TYR: variants seen among roughly 807,000 people sequenced by gnomAD.
The protein encoded by TYR is tyrosinase.
In TYR, 58 loss-of-function variants were observed where a neutral mutation model predicts 51.5. That is an observed-to-expected ratio of 1.13 (90% CI 0.91 to 1.40). The LOEUF (loss-of-function observed/expected upper bound fraction) is 1.40. Among genes scored for constraint, TYR ranks in the 40% most tolerant of loss-of-function variants. The pLI is 0.00. For missense variants in TYR, 732 were observed against 647.4 expected, an observed-to-expected ratio of 1.13 and a Z score of -1.42; for synonymous variants, 263 against 235.2, an observed-to-expected ratio of 1.12 and a Z score of -1.08.
chr11:89,242,728 G>A (rs1302658927), intron 3 of TYR, among the ~76,000 whole-genome samples: 12 of 152,026 alleles, frequency 7.9e-5, no homozygotes, highest in African/African-American at 2.9e-4. Flanking sequence ...AGTATCCCTG[G>A]GAGTTCAGAT....
intron 2 of TYR, among the ~76,000 whole-genome samples, chr11:89,196,008 C>G (rs1183806796): frequency 1.3e-5 from 2 of 152,028 alleles, no homozygotes; most frequent in East Asian, 3.9e-4. Context: ...TCAACCACTT[C>G]CTAGATGTGT....
chr11:89,260,737 G>T (rs1361729955), intron 3 of TYR, among the ~76,000 whole-genome samples: 2 of 152,146 alleles, frequency 1.3e-5, no homozygotes, highest in Non-Finnish European at 2.9e-5. Flanking sequence ...TATAAATCCA[G>T]GTTGGTGGGC....
At chr11:89,211,937 C>A (rs187496986) in intron 2 of TYR, among the ~76,000 whole-genome samples, 3 of 152,264 alleles carry the variant, frequency 2.0e-5, no homozygotes, top group Admixed American at 2.0e-4. Context: ...CTCTGGGACA[C>A]ATTTAAAGCA....
chr11:89,281,364 C>T (rs1944720127), intron 3 of TYR, among the ~76,000 whole-genome samples: 1 of 151,806 alleles, frequency 6.6e-6, no homozygotes, highest in Admixed American at 6.6e-5. Flanking sequence ...CTCTCCTCCT[C>T]CCTGTAACAG....
chr11:89,281,612 T>A (rs759745327), intron 3 of TYR, among the ~76,000 whole-genome samples: 1 of 151,788 alleles, frequency 6.6e-6, no homozygotes, highest in Admixed American at 6.6e-5. Context: ...TACCTCTGGA[T>A]GAACCCATCT....
intron 3 of TYR, among the ~76,000 whole-genome samples, chr11:89,258,123 C>A (rs1473827608): frequency 3.3e-5 from 5 of 151,948 alleles, no homozygotes; most frequent in Non-Finnish European, 7.4e-5. Flanking sequence ...GGCATTATGA[C>A]AATGGAGTGA....
chr11:89,232,384 A>T (rs1316098473), intron 3 of TYR, among the ~76,000 whole-genome samples: 1 of 143,678 alleles, frequency 7.0e-6, no homozygotes, highest in Non-Finnish European at 1.5e-5. Context: ...GAACAAAATG[A>T]TGTCCTTCGC....
chr11:89,188,475 T>C (rs1444425446), intron 1 of TYR, among the ~76,000 whole-genome samples: 1 of 152,034 alleles, frequency 6.6e-6, no homozygotes, highest in Non-Finnish European at 1.5e-5. Context: ...GTACAGTAAA[T>C]GTTTAATAAC....
chr11:89,181,252 G>T (rs1035409816), intron 1 of TYR, among the ~76,000 whole-genome samples: 1 of 152,194 alleles, frequency 6.6e-6, no homozygotes, highest in African/African-American at 2.4e-5. Context: ...TTGACCTCAA[G>T]TGATCTGTCC....
chr11:89,197,523 C>T (rs188926789), intron 2 of TYR, among the ~76,000 whole-genome samples: 2 of 152,188 alleles, frequency 1.3e-5, no homozygotes, highest in Admixed American at 1.3e-4. Flanking sequence ...TGAAAACATG[C>T]CATTGACAAG....
intron 3 of TYR, among the ~76,000 whole-genome samples, chr11:89,236,046 T>C (rs1462855058): frequency 6.6e-6 from 1 of 152,160 alleles, no homozygotes; most frequent in Non-Finnish European, 1.5e-5. Context: ...AAGGTTTTAT[T>C]GGAACACAGC....
intron 3 of TYR, among the ~76,000 whole-genome samples, chr11:89,282,899 G>A (rs149347540): frequency 2.0e-5 from 3 of 151,946 alleles, no homozygotes; most frequent in Admixed American, 6.6e-5. Context: ...AAGAAGAGAA[G>A]AGAGGAGCTG....
intron 2 of TYR, among the ~76,000 whole-genome samples, chr11:89,194,754 T>C (rs1417569972): frequency 1.3e-5 from 2 of 152,158 alleles, no homozygotes; most frequent in Non-Finnish European, 2.9e-5. Context: ...ATTGATGTGC[T>C]TAATTATCTT....
chr11:89,235,142 G>A (rs1944094631), intron 3 of TYR, among the ~76,000 whole-genome samples: 1 of 152,114 alleles, frequency 6.6e-6, no homozygotes, highest in African/African-American at 2.4e-5. Flanking sequence ...TATCACCTCT[G>A]ACTTGTTCAA....
At chr11:89,267,514 G>A (rs1944539761) in intron 3 of TYR, among the ~76,000 whole-genome samples, 1 of 151,890 alleles carries the variant, frequency 6.6e-6, no homozygotes, top group East Asian at 1.9e-4. Flanking sequence ...GTACTTGCCT[G>A]TAGGTAATAG....
At chr11:89,226,700 A>G (rs1472330667) in intron 2 of TYR, among the ~76,000 whole-genome samples, 1 of 152,156 alleles carries the variant, frequency 6.6e-6, no homozygotes, top group Non-Finnish European at 1.5e-5. Context: ...TTCTACTTGT[A>G]TGAAATAAAG....
chr11:89,242,382 A>ATTTTT (rs5793397), intron 3 of TYR, among the ~76,000 whole-genome samples: 1 of 151,028 alleles, frequency 6.6e-6, no homozygotes, highest in Non-Finnish European at 1.5e-5. Flanking sequence ...TAATTTGGGC[A>ATTTTT]TTTTTTTTTA....
In TYR at chr11:89,190,983, C is replaced by T. The variant is rs188460689; in HGVS notation, c.820-219C>T. 1.4e-4 allele frequency among the ~76,000 whole-genome samples: 22 copies of T among 152,194 alleles called. 1 individual carries two copies. The highest frequency in any genetic ancestry group is 5.3e-4 in the African/African-American group (22 of 41,538). On this transcript the variant is annotated intron_variant, in intron 1 of 4. Transcript: ENST00000263321. ...AAGATGTTTAGTAGGCTATACCATT[C>T]TAGGTTTGTGCAAGTACACTGACTA...
chr11:89,234,071 A>G (rs147221350), intron 3 of TYR, among the ~76,000 whole-genome samples: 1,626 of 143,926 alleles, frequency 0.011, 368 homozygotes, highest in African/African-American at 0.043. Flanking sequence ...CTGAAAATCT[A>G]TTGTTTAGTA....
Sources: allele counts gnomAD v4.1 joint callset (sites outside exome capture counted in the v4.1 genomes callset), GRCh38; gene constraint gnomAD v4.1.1; transcripts MANE v1.5; gene names NCBI Gene and HGNC (gene_info 2026-07-23, HGNC 2026-07-21).